The following ABI2 variants were observed in gnomAD, a reference collection of about 807,000 sequenced individuals.
The protein encoded by ABI2 is abelson interactor 2.
In ABI2, 25 loss-of-function variants were observed where a neutral mutation model predicts 59.2. The ratio of observed to expected loss-of-function variants is 0.42; its 90% CI spans 0.31 to 0.59. The LOEUF is 0.59. ABI2 is among the 20% of genes least tolerant of loss of function. The pLI is 0.14. For synonymous variants in ABI2, 213 were observed against 235.5 expected (o/e 0.90, Z 0.87); for missense variants, 545 against 681.8 (o/e 0.80, Z 2.23).
At chr2:203,419,247 C>A (rs1050509226) in intron 11 of ABI2, among the ~76,000 whole-genome samples, 1 of 150,782 alleles carries the variant, frequency 6.6e-6, no homozygotes, top group African/African-American at 2.4e-5. Flanking sequence ...GTAGCTGGGA[C>A]TACCGGCGCC....
intron 1 of ABI2, among the ~76,000 whole-genome samples, chr2:203,365,856 C>T (rs1032303678): frequency 6.6e-6 from 1 of 151,948 alleles, no homozygotes; most frequent in Non-Finnish European, 1.5e-5. Flanking sequence ...GTCTCAATCT[C>T]CTGACCTCAT....
In ABI2 at chr2:203,429,535, G is replaced by C. The variant is rs906783988; in HGVS notation, c.*2183G>C. On this transcript the variant is annotated 3_prime_UTR_variant, in exon 12 of 12. Coordinates refer to ENST00000261018, the MANE Select transcript of ABI2 (RefSeq NM_001375670.1). ...GCACTTTCGGAGGCCGAGGTGGGTGGATCATGAGGTCAATAAATTGAGACC... is the reference window on the plus strand; with the variant it reads ...GCACTTTCGGAGGCCGAGGTGGGTGCATCATGAGGTCAATAAATTGAGACC... 1 of 152,036 alleles carries C rather than the reference G, an allele frequency of 6.6e-6. No individual in the cohort carries two copies. Among genetic ancestry groups the C allele is most frequent in the African/African-American group, 2.4e-5 (1 of 41,374 alleles). 9.4% of individuals were successfully genotyped at this position (152,036 alleles called of 1,614,324 possible). A position where few individuals can be genotyped will look rare whatever the true frequency, so the allele number is the denominator to read the frequency against.
intron 1 of ABI2, among the ~76,000 whole-genome samples, chr2:203,341,144 TATAAC>T (rs1274091423): frequency 6.6e-6 from 1 of 152,204 alleles, no homozygotes; most frequent in Non-Finnish European, 1.5e-5. Context: ...TGTGTAAAAT[TATAAC>T]ATACTCCTGC....
At chr2:203,393,277 A>T (rs897155714) in intron 5 of ABI2, among the ~76,000 whole-genome samples, 2 of 151,906 alleles carry the variant, frequency 1.3e-5, no homozygotes, top group African/African-American at 2.4e-5. Context: ...CTGGTCTCAA[A>T]CTCCTGAGCT....
chr2:203,372,366 C>CT (rs1484580025), intron 2 of ABI2, among the ~76,000 whole-genome samples: 1 of 152,244 alleles, frequency 6.6e-6, no homozygotes, highest in Non-Finnish European at 1.5e-5. Flanking sequence ...ATTTCCCAAT[C>CT]TTTTCCCCAC....
In ABI2 at chr2:203,403,510, A is replaced by G. The variant is rs538874772; in HGVS notation, c.1192+776A>G. 7.3e-4 allele frequency: 113 copies of G among 154,846 alleles called. 1 individual carries two copies. The highest frequency in any genetic ancestry group is 2.3e-3 in the African/African-American group (94 of 41,650). 9.6% of individuals were successfully genotyped at this position (154,846 alleles called of 1,614,324 possible). A position where few individuals can be genotyped will look rare whatever the true frequency, so the allele number is the denominator to read the frequency against. On this transcript the variant is annotated intron_variant, in intron 9 of 11. Coordinates refer to ENST00000261018, the MANE Select transcript of ABI2 (RefSeq NM_001375670.1). The stretch of plus-strand genomic sequence containing the variant: ...CAGTTTGTCTCTGTGGCTGTGACCT[A>G]TAGTGATATTCTTTGAAAGAGTCTT...
intron 2 of ABI2, chr2:203,376,226 A>G: frequency 2.2e-6 from 2 of 925,962 alleles, no homozygotes; most frequent in South Asian, 1.8e-5. Context: ...AATGTTAGAC[A>G]TTTTTGGTTG....
At chr2:203,395,429 G>C (rs2096931847) in intron 6 of ABI2, among the ~76,000 whole-genome samples, 1 of 40,882 alleles carries the variant, frequency 2.4e-5, no homozygotes, top group African/African-American at 5.7e-5. Flanking sequence ...TTATTAATAA[G>C]TAAATATATA....
At chr2:203,352,612 ATGT>A (rs919185622) in intron 1 of ABI2, among the ~76,000 whole-genome samples, 9 of 152,220 alleles carry the variant, frequency 5.9e-5, no homozygotes, top group Admixed American at 1.3e-4. Context: ...AAAGAAAAAA[ATGT>A]TGTACAACTG....
chr2:203,420,160 C>T (rs1007792362), intron 11 of ABI2, among the ~76,000 whole-genome samples: 2 of 152,158 alleles, frequency 1.3e-5, no homozygotes, highest in African/African-American at 4.8e-5. Flanking sequence ...AACCATTGTC[C>T]TAAACGTGAG....
chr2:203,377,195 G>GTCC (rs2095763720), intron 2 of ABI2, among the ~76,000 whole-genome samples: 1 of 152,130 alleles, frequency 6.6e-6, no homozygotes, highest in Admixed American at 6.5e-5. Context: ...CATGCCTGTA[G>GTCC]TCCTAGCTAC....
chr2:203,394,969 C>T, intron 6 of ABI2, 123 bp downstream of exon 6: 1 of 1,110,870 alleles, frequency 9.0e-7, no homozygotes, highest in Non-Finnish European at 1.3e-6. Context: ...TCTCCCAAAC[C>T]TCATCTGATT....
intron 1 of ABI2, among the ~76,000 whole-genome samples, chr2:203,357,087 A>T (rs2092302147): frequency 6.6e-6 from 1 of 152,202 alleles, no homozygotes; most frequent in African/African-American, 2.4e-5. Flanking sequence ...TAGATTTCTT[A>T]CCACACTCAA....
intron 1 of ABI2, among the ~76,000 whole-genome samples, chr2:203,347,074 A>G (rs1345439691): frequency 6.6e-6 from 1 of 152,174 alleles, no homozygotes; most frequent in African/African-American, 2.4e-5. Context: ...AAGCTATTAA[A>G]TTATGATGAT....
intron 1 of ABI2, among the ~76,000 whole-genome samples, chr2:203,365,189 CT>C (rs373789015): frequency 1.2e-4 from 18 of 151,780 alleles, no homozygotes; most frequent in Non-Finnish European, 2.5e-4. Context: ...ACTTTTTGGA[CT>C]TTTTTTTGTG....
intron 4 of ABI2, among the ~76,000 whole-genome samples, chr2:203,388,945 T>C (rs1437147138): frequency 6.6e-6 from 1 of 152,188 alleles, no homozygotes; most frequent in East Asian, 1.9e-4. Flanking sequence ...AGCAAATTGA[T>C]GTAGTTTTAG....
intron 9 of ABI2, among the ~76,000 whole-genome samples, chr2:203,407,502 G>A (rs1377512464): frequency 6.6e-6 from 1 of 152,090 alleles, no homozygotes; most frequent in Non-Finnish European, 1.5e-5. Flanking sequence ...TTTTTGAATT[G>A]GACATCTAAA....
chr2:203,353,997 A>G (rs2090496632), intron 1 of ABI2, among the ~76,000 whole-genome samples: 1 of 152,190 alleles, frequency 6.6e-6, no homozygotes, highest in Non-Finnish European at 1.5e-5. Flanking sequence ...CATTATATCT[A>G]TATAAGTAAT....
chr2:203,387,136 T>C (rs935308452), intron 4 of ABI2, among the ~76,000 whole-genome samples: 3 of 149,316 alleles, frequency 2.0e-5, no homozygotes, highest in Non-Finnish European at 4.4e-5. Context: ...ATATAAGGTG[T>C]ATACCACACA....
Sources: gnomAD v4.1 joint callset for allele counts (sites outside exome capture counted in the v4.1 genomes callset) on GRCh38, gnomAD v4.1.1 for gene constraint, MANE v1.5 for transcripts, NCBI Gene and HGNC (gene_info 2026-07-23, HGNC 2026-07-21) for gene names.